The following OARD1 variants were observed in gnomAD, a reference collection of about 807,000 sequenced individuals.
The protein encoded by OARD1 is O-acyl-ADP-ribose deacylase 1.
In OARD1, 19 loss-of-function variants were observed where a neutral mutation model predicts 19.7. The ratio of observed to expected loss-of-function variants is 0.96; its 90% CI spans 0.67 to 1.41. The LOEUF (loss-of-function observed/expected upper bound fraction) is 1.41. OARD1 is among the 40% of genes most tolerant of loss of function. OARD1 has a pLI of 0.00. For synonymous variants in OARD1, 70 were observed against 61.8 expected (o/e 1.13, Z -0.62); for missense variants, 190 against 183.8 (o/e 1.03, Z -0.20).
chr6:41,067,272 C>A lies in OARD1; in HGVS notation c.*63G>T. On this transcript the variant is annotated 3_prime_UTR_variant, in exon 6 of 6. Transcript: ENST00000424266. ...CTGCCTATTTTAAGGTAGGTTTGCC[C>A]GGTCCTATGGCCCAGTAGAGATGAC... is the stretch of plus-strand genomic sequence containing the variant. The A allele has an allele frequency of 9.7e-7, 1 of 1,033,122 alleles. No individual in the cohort carries two copies. Among genetic ancestry groups the A allele is most frequent in the Admixed American group, 2.0e-5 (1 of 49,148 alleles). The allele number at this position is 1,033,122 out of a possible 1,614,324, so 64.0% of individuals were successfully genotyped here.
intron 1 of OARD1, among the ~76,000 whole-genome samples, chr6:41,082,937 C>T (rs987540608): frequency 5.3e-5 from 8 of 152,210 alleles, no homozygotes; most frequent in South Asian, 2.1e-4. Context: ...GCAGTGGCGG[C>T]GGTGGTGGTG....
Position 41,071,595 on chromosome 6 carries a change from C to A in OARD1, c.39+1G>T. On this transcript the variant is annotated splice_donor_variant, in intron 2 of 5. Coordinates refer to ENST00000424266, the MANE Select transcript of OARD1 (RefSeq NM_001329686.2). LOFTEE classifies it high-confidence loss of function. Reference sequence around the variant, plus strand: ...CCAATAAGTCAATAGTTGTTACGCACTCTGCTTCCTTCTGGATCTTCATTA... The same window carrying A: ...CCAATAAGTCAATAGTTGTTACGCAATCTGCTTCCTTCTGGATCTTCATTA... 1 of 1,612,352 alleles carries A rather than the reference C, an allele frequency of 6.2e-7. No individual in the cohort carries two copies. Among genetic ancestry groups the A allele is most frequent in the East Asian group, 2.2e-5 (1 of 44,880 alleles).
chr6:41,090,371 CT>C (rs2113813201), intron 1 of OARD1: 2 of 978,264 alleles, frequency 2.0e-6, no homozygotes, highest in East Asian at 4.9e-5. Context: ...CCTTAGACAA[CT>C]GACATCTTTA....
chr6:41,073,620 CGGGAGGGAGGCCTG>C (rs1349362585), upstream of OARD1, among the ~76,000 whole-genome samples: 1 of 152,024 alleles, frequency 6.6e-6, no homozygotes, highest in Non-Finnish European at 1.5e-5. Context: ...CCCTCTAGGT[CGGGAGGGAGGCCTG>C]GGGAGGGTGC....
At chr6:41,073,525 T>A (rs1012361855), upstream of OARD1, among the ~76,000 whole-genome samples, 5 of 151,780 alleles carry the variant, frequency 3.3e-5, no homozygotes, top group African/African-American at 1.2e-4. Context: ...CTCTCCACTC[T>A]CCGGCCCTTG....
At chr6:41,097,117 G>A (rs1764379479) in intron 1 of OARD1, among the ~76,000 whole-genome samples, 1 of 152,162 alleles carries the variant, frequency 6.6e-6, no homozygotes, top group Non-Finnish European at 1.5e-5. Flanking sequence ...TAACAGCCCT[G>A]CAGTGTTTCA....
chr6:41,069,017 TCC>T, intron 4 of OARD1, 64 bp from the exon 5 acceptor site: 1 of 770,556 alleles, frequency 1.3e-6, no homozygotes. Flanking sequence ...GTCATCACAT[TCC>T]CCCAACATCC....
chr6:41,070,902 T>C (rs1763307110), intron 3 of OARD1: 2 of 609,306 alleles, frequency 3.3e-6, no homozygotes, highest in East Asian at 2.7e-5. Flanking sequence ...AGAAGTACAG[T>C]AATATCGTCA....
At chr6:41,093,192 C>A in intron 1 of OARD1, 1 of 937,762 alleles carries the variant, frequency 1.1e-6, no homozygotes, top group Non-Finnish European at 1.5e-6. Flanking sequence ...AAACAATTGA[C>A]GTTAGATACT....
intron 1 of OARD1, among the ~76,000 whole-genome samples, chr6:41,082,466 C>A (rs1763936128): frequency 6.6e-6 from 1 of 152,164 alleles, no homozygotes; most frequent in African/African-American, 2.4e-5. Flanking sequence ...GTTGTAAATA[C>A]AGTGAGCTCT....
At chr6:41,090,320 C>A in intron 1 of OARD1, 1 of 1,595,028 alleles carries the variant, frequency 6.3e-7, no homozygotes, top group Non-Finnish European at 8.6e-7. Flanking sequence ...GTAAGTGTAC[C>A]CATAAGCTTC....
At chr6:41,086,415 C>T (rs1461654913) in intron 1 of OARD1, among the ~76,000 whole-genome samples, 1 of 152,060 alleles carries the variant, frequency 6.6e-6, no homozygotes, top group Non-Finnish European at 1.5e-5. Context: ...AGGGCTATAA[C>T]TAACCAAGCT....
intron 1 of OARD1, chr6:41,089,638 G>T (rs1413548805): frequency 6.2e-7 from 1 of 1,612,542 alleles, no homozygotes; most frequent in Admixed American, 1.7e-5. Flanking sequence ...TGCAGGTGCA[G>T]GGCCAGCAGG....
intron 1 of OARD1, chr6:41,091,839 T>C: frequency 1.1e-6 from 1 of 887,244 alleles, no homozygotes; most frequent in Non-Finnish European, 1.7e-6. Context: ...AATAACATTA[T>C]GACAAACCAT....
chr6:41,074,163 G>A (rs542575671), upstream of OARD1, among the ~76,000 whole-genome samples: 2 of 152,138 alleles, frequency 1.3e-5, no homozygotes, highest in South Asian at 4.2e-4. Flanking sequence ...TGTCAGGCTT[G>A]ACCCAGTCCA....
chr6:41,073,646 C>CGCCGCG (rs1184225422), upstream of OARD1, among the ~76,000 whole-genome samples: 2 of 152,016 alleles, frequency 1.3e-5, no homozygotes, highest in Non-Finnish European at 2.9e-5. Context: ...GGAGGGTGCG[C>CGCCGCG]GCCGCGGCCG....
chr6:41,072,464 C>T (rs1195198677), upstream of OARD1: 1 of 152,324 alleles, frequency 6.6e-6, no homozygotes, highest in African/African-American at 2.4e-5. Flanking sequence ...TAATTGCACG[C>T]ATCTAAGATG....
intron 1 of OARD1, chr6:41,093,172 C>T (rs1444048080): frequency 8.3e-6 from 10 of 1,199,296 alleles, no homozygotes; most frequent in Middle Eastern, 2.3e-4. Flanking sequence ...TGTTTTCTCA[C>T]GTACCTTCCA....
At chr6:41,084,983 G>A (rs936567736) in intron 1 of OARD1, among the ~76,000 whole-genome samples, 1 of 151,872 alleles carries the variant, frequency 6.6e-6, no homozygotes, top group African/African-American at 2.4e-5. Context: ...GAGATTAACA[G>A]AAATATGTAG....
Sources: allele counts gnomAD v4.1 joint callset (sites outside exome capture counted in the v4.1 genomes callset), GRCh38; gene constraint gnomAD v4.1.1; transcripts MANE v1.5; gene names NCBI Gene and HGNC (gene_info 2026-07-23, HGNC 2026-07-21).